Variants in KLF3 observed in about 807,000 individuals in gnomAD.
The protein encoded by KLF3 is Krueppel-like factor 3.
A neutral mutation model predicts 32.7 loss-of-function variants in KLF3; 6 were observed. The observed-to-expected ratio is 0.18, with a 90% confidence interval of 0.10 to 0.36. The LOEUF (loss-of-function observed/expected upper bound fraction) is 0.36, where lower values mean the gene tolerates loss of function less well. Ranked by LOEUF, KLF3 falls within the 10% of genes least tolerant of loss-of-function variation. The pLI is 1.00. For synonymous variants in KLF3, 145 were observed against 172.8 expected (o/e 0.84, Z 1.26); for missense variants, 338 against 449.7 (o/e 0.75, Z 2.25).
In KLF3 at chr4:38,671,161, G is replaced by A. The variant is rs568348039; in HGVS notation, c.-40+6700G>A. Among the ~76,000 whole-genome samples, 11 of 152,316 alleles carry A rather than the reference G, an allele frequency of 7.2e-5. No homozygotes were observed. The South Asian group carries it at 8.3e-4, about 11-fold the overall frequency. ...AGTGCCCGGGTCTGCAGGCAGACAC[G>A]CTTCTGTTCCTGGCTGCAGCTCCAA... On this transcript the variant is annotated intron_variant, in intron 1 of 5. Transcript: ENST00000261438. The surrounding 1 kb of genome is among the most constrained non-coding windows in gnomAD (Gnocchi z 4.4).
intron 1 of KLF3, among the ~76,000 whole-genome samples, chr4:38,670,739 A>G (rs1722175733): frequency 1.3e-5 from 2 of 152,250 alleles, no homozygotes; most frequent in South Asian, 4.1e-4. Context: ...TGGCTTCACC[A>G]GCCGCTGGAC....
Position 38,700,596 on chromosome 4 carries a change from G to A in KLF3, c.*3333G>A, listed in dbSNP as rs1307695643. On this transcript the variant is annotated 3_prime_UTR_variant, in exon 6 of 6. Transcript: ENST00000261438. ...ATTAAACGAGGGCTACAACAATATT[G>A]TTTTACAAATACTAGCACTTTTTTT... is the stretch of plus-strand genomic sequence containing the variant. 6.6e-6 allele frequency: 1 copy of A among 152,124 alleles called. No homozygotes were observed. The highest frequency in any genetic ancestry group is 6.5e-5 in the Admixed American group (1 of 15,274). The allele number at this position is 152,124 out of a possible 1,614,324, so 9.4% of individuals were successfully genotyped here. A position where few individuals can be genotyped will look rare whatever the true frequency, so the allele number is the denominator to read the frequency against.
At chr4:38,682,106 G>A (rs149678548) in intron 2 of KLF3, among the ~76,000 whole-genome samples, 2,953 of 152,286 alleles carry the variant, frequency 0.019, 44 homozygotes, top group Non-Finnish European at 0.027. Flanking sequence ...TCGCCTAGGC[G>A]GGAGTGCAGT....
At chr4:38,674,000 A>G (rs1210475276) in intron 1 of KLF3, among the ~76,000 whole-genome samples, 1 of 152,140 alleles carries the variant, frequency 6.6e-6, no homozygotes, top group African/African-American at 2.4e-5. Context: ...GAAATAATTA[A>G]CTTCTTTCCC....
intron 1 of KLF3, chr4:38,664,984 C>A (rs1721976721): frequency 6.9e-6 from 1 of 145,760 alleles, no homozygotes; most frequent in Non-Finnish European, 1.5e-5. Context: ...CCCCTCCCCT[C>A]CCTCCGCCCG....
intron 5 of KLF3, among the ~76,000 whole-genome samples, chr4:38,696,201 AAAAAAAAC>A (rs902962497): frequency 1.3e-5 from 2 of 151,764 alleles, no homozygotes; most frequent in African/African-American, 4.8e-5. Flanking sequence ...AAAAAAAAAA[AAAAAAAAC>A]GCCTCTTTGT....
At chr4:38,683,329 T>G (rs1722586487) in intron 2 of KLF3, among the ~76,000 whole-genome samples, 1 of 152,194 alleles carries the variant, frequency 6.6e-6, no homozygotes, top group African/African-American at 2.4e-5. Context: ...CAATCGCTTG[T>G]TTGTGCTTTT....
At position 38,697,117 on chromosome 4, in the gene KLF3, A is replaced by C; in HGVS notation, c.892A>C (p.Thr298Pro). 1 of 1,613,746 alleles carries C rather than the reference A, an allele frequency of 6.2e-7. No individual in the cohort carries two copies. The highest frequency in any genetic ancestry group is 8.5e-7 in the Non-Finnish European group (1 of 1,179,788). The change falls in exon 6 of 6, where the codon ACA becomes CCA. Residue 298 changes from threonine to proline, a missense_variant. By Grantham distance (38) the Thr-to-Pro change is conservative (BLOSUM62 -1). This residue lies in a region of KLF3 where 66 missense variants were observed against 136.2 expected (regional missense o/e 0.48). Coordinates refer to ENST00000261438, the MANE Select transcript of KLF3 (RefSeq NM_016531.6). ...CTACAAATGTACATGGGAAGGGTGC[A>C]CATGGAAGTTTGCTCGGTCTGATGA... ...KPYKCTWEGC[T>P]WKFARSDELT... is the part of the protein sequence containing the mutation.
chr4:38,677,771 C>T (rs139598873), intron 1 of KLF3, among the ~76,000 whole-genome samples: 35 of 152,230 alleles, frequency 2.3e-4, no homozygotes, highest in African/African-American at 6.0e-4. Flanking sequence ...AAGAGGCAAA[C>T]GCCAGACATT....
intron 5 of KLF3, among the ~76,000 whole-genome samples, chr4:38,695,207 G>A (rs1232245416): frequency 6.6e-6 from 1 of 152,226 alleles, no homozygotes; most frequent in African/African-American, 2.4e-5. Flanking sequence ...TGGGGGAAGT[G>A]CTTTCACAGT....
At chr4:38,675,478 AAAGCTAGCT>A (rs1722316526) in intron 1 of KLF3, among the ~76,000 whole-genome samples, 1 of 152,070 alleles carries the variant, frequency 6.6e-6, no homozygotes, top group South Asian at 2.1e-4. Flanking sequence ...ATGTATTTCT[AAAGCTAGCT>A]AAGCTAGTTA....
At chr4:38,665,143 C>CT (rs1721987139) in intron 1 of KLF3, among the ~76,000 whole-genome samples, 1 of 152,126 alleles carries the variant, frequency 6.6e-6, no homozygotes, top group Admixed American at 6.5e-5. Context: ...AGCCCAGGAG[C>CT]TGCCAGGGCG....
Position 38,699,869 on chromosome 4 carries a change from C to T in KLF3, c.*2606C>T, listed in dbSNP as rs1376272794. The T allele has an allele frequency of 6.6e-6, 1 of 152,142 alleles. No individual in the cohort carries two copies. The highest frequency in any genetic ancestry group is 2.4e-5 in the African/African-American group (1 of 41,418). The allele number at this position is 152,142 out of a possible 1,614,324, so 9.4% of individuals were successfully genotyped here. On this transcript the variant is annotated 3_prime_UTR_variant, in exon 6 of 6. Transcript: ENST00000261438. ...TAGTTGAGAAATTTAGCCTCTTAGT[C>T]ATTTTTAGCTGTTATTGTGGAAGAC...
At position 38,671,209 on chromosome 4, in the gene KLF3, G is replaced by C. The variant is rs930622613; in HGVS notation, c.-40+6748G>C. ...CAACCAGCTCTGTGAAATTGGGCGA[G>C]TCATTTCACCTCTGTTCCTCCATTT... On this transcript the variant is annotated intron_variant, in intron 1 of 5. Coordinates refer to ENST00000261438, the MANE Select transcript of KLF3 (RefSeq NM_016531.6). The surrounding 1 kb of genome is among the most constrained non-coding windows in gnomAD (Gnocchi z 4.4). Among the ~76,000 whole-genome samples the C allele has an allele frequency of 1.3e-5, 2 of 152,230 alleles. No individual in the cohort carries two copies. The highest frequency in any genetic ancestry group is 2.9e-5 in the Non-Finnish European group (2 of 68,046).
At chr4:38,672,759 G>A (rs1722236788) in intron 1 of KLF3, among the ~76,000 whole-genome samples, 1 of 152,168 alleles carries the variant, frequency 6.6e-6, no homozygotes, top group Admixed American at 6.5e-5. Context: ...GAAAAACGTG[G>A]GTGGCAAGGG....
Position 38,685,989 on chromosome 4 carries a change from A to C in KLF3, c.58-2596A>C, listed in dbSNP as rs1393840550. On this transcript the variant is annotated intron_variant, in intron 2 of 5. Coordinates refer to ENST00000261438, the MANE Select transcript of KLF3 (RefSeq NM_016531.6). ...AATCTATTTAATACTTAATGTTGCT[A>C]TCTTTTGGATCTCTTGCGTTGGTAC... Among the ~76,000 whole-genome samples the C allele has an allele frequency of 4.6e-5, 7 of 152,168 alleles. No homozygotes were observed. In the East Asian group the frequency reaches 1.3e-3, roughly 29 times the overall value.
intron 4 of KLF3, 168 bp downstream of exon 4, chr4:38,690,047 C>T (rs1220308082): frequency 1.8e-6 from 1 of 556,880 alleles, no homozygotes; most frequent in Non-Finnish European, 3.1e-6. Flanking sequence ...GAGAATCTCT[C>T]CAAAAACAAT....
chr4:38,699,624 T>C lies in KLF3; in HGVS notation c.*2361T>C, dbSNP rs1008220308. ...GCATTTGCTGTGGCATATTTAAATT[T>C]TGTTCAAAAGATTTGAAGCAAGACC... is the stretch of plus-strand genomic sequence containing the variant. On this transcript the variant is annotated 3_prime_UTR_variant, in exon 6 of 6. Coordinates refer to ENST00000261438, the MANE Select transcript of KLF3 (RefSeq NM_016531.6). 1 of 152,232 alleles carries C rather than the reference T, an allele frequency of 6.6e-6. No homozygotes were observed. The allele number at this position is 152,232 out of a possible 1,614,324, so 9.4% of individuals were successfully genotyped here. A position where few individuals can be genotyped will look rare whatever the true frequency, so the allele number is the denominator to read the frequency against.
At chr4:38,669,528 T>G (rs568511797) in intron 1 of KLF3, among the ~76,000 whole-genome samples, 1 of 152,164 alleles carries the variant, frequency 6.6e-6, no homozygotes, top group East Asian at 1.9e-4. Flanking sequence ...AATTTAGTAG[T>G]CATAGAAGAG....
Sources: gnomAD v4.1 joint callset for allele counts (sites outside exome capture counted in the v4.1 genomes callset) on GRCh38, gnomAD v4.1.1 for gene constraint, gnomAD v4.1.1 regional missense constraint, Gnocchi (gnomAD v3.1) non-coding constraint, MANE v1.5 for transcripts, NCBI Gene and HGNC (gene_info 2026-07-23, HGNC 2026-07-21) for gene names.